The following DCC variants were observed in gnomAD, a reference collection of about 807,000 sequenced individuals.
DCC encodes DCC netrin 1 receptor.
In DCC, 58 loss-of-function variants were observed where a neutral mutation model predicts 172.5. The ratio of observed to expected loss-of-function variants is 0.34; its 90% CI spans 0.27 to 0.42. DCC has a LOEUF of 0.42. DCC is among the 10% of genes least tolerant of loss of function. The pLI is 1.00. For synonymous variants in DCC, 709 were observed against 644.5 expected (o/e 1.10, Z -1.52); for missense variants, 1,740 against 1,791.0 (o/e 0.97, Z 0.51).
chr18:52,774,717 C>T (rs1022347375), intron 2 of DCC, among the ~76,000 whole-genome samples: 3 of 151,962 alleles, frequency 2.0e-5, no homozygotes, highest in African/African-American at 4.8e-5. Flanking sequence ...TTTTCTCCAG[C>T]CCCACTCATG....
chr18:52,978,560 C>A (rs912905970), intron 5 of DCC, among the ~76,000 whole-genome samples: 2 of 152,126 alleles, frequency 1.3e-5, no homozygotes, highest in African/African-American at 4.8e-5. Context: ...ATTATCAACT[C>A]ATTTTATACA....
At chr18:52,531,593 C>T (rs981467751) in intron 1 of DCC, among the ~76,000 whole-genome samples, 3 of 151,930 alleles carry the variant, frequency 2.0e-5, no homozygotes, top group African/African-American at 7.3e-5. Flanking sequence ...ATATGTTTCT[C>T]TGTGTGTGTG....
chr18:53,090,605 A>C (rs2042988629), intron 7 of DCC, among the ~76,000 whole-genome samples: 1 of 147,900 alleles, frequency 6.8e-6, no homozygotes, highest in Non-Finnish European at 1.5e-5. Context: ...GAGGCAGGAG[A>C]ATGGCATGAA....
chr18:52,669,302 A>G (rs548664543), intron 1 of DCC, among the ~76,000 whole-genome samples: 103 of 152,340 alleles, frequency 6.8e-4, no homozygotes, highest in African/African-American at 2.1e-3. Flanking sequence ...AGGGAGGGTC[A>G]GAATCTTGTA....
intron 7 of DCC, among the ~76,000 whole-genome samples, chr18:53,138,222 C>T (rs1193340061): frequency 6.6e-6 from 1 of 152,104 alleles, no homozygotes; most frequent in Non-Finnish European, 1.5e-5. Context: ...GATGTCTCTA[C>T]ATGGTGCACC....
chr18:53,125,988 G>A (rs1244400118), intron 7 of DCC, among the ~76,000 whole-genome samples: 2 of 152,122 alleles, frequency 1.3e-5, no homozygotes, highest in African/African-American at 4.8e-5. Flanking sequence ...TATACAAGGA[G>A]AGGTTGCGTG....
intron 1 of DCC, among the ~76,000 whole-genome samples, chr18:52,562,440 A>G (rs1230975985): frequency 6.6e-6 from 1 of 152,140 alleles, no homozygotes; most frequent in East Asian, 1.9e-4. Flanking sequence ...GATGACTTGT[A>G]TCAAACCACT....
At chr18:53,286,743 G>T (rs1028046523) in intron 12 of DCC, among the ~76,000 whole-genome samples, 5 of 152,126 alleles carry the variant, frequency 3.3e-5, no homozygotes, top group Admixed American at 3.3e-4. Context: ...GGGCATCATA[G>T]CCATGATGAA....
intron 2 of DCC, among the ~76,000 whole-genome samples, chr18:52,763,323 A>G (rs185762145): frequency 8.5e-5 from 13 of 152,302 alleles, no homozygotes; most frequent in African/African-American, 3.1e-4. Flanking sequence ...ATTGGATTGG[A>G]TTTTTGTGGT....
chr18:53,352,298 C>A (rs1450813020), intron 15 of DCC, among the ~76,000 whole-genome samples: 4 of 152,030 alleles, frequency 2.6e-5, no homozygotes, highest in Non-Finnish European at 5.9e-5. Context: ...GGATTCATAG[C>A]CAACTTGGAG....
intron 27 of DCC, among the ~76,000 whole-genome samples, chr18:53,500,759 G>T (rs1269525461): frequency 2.0e-5 from 3 of 151,756 alleles, no homozygotes; most frequent in Non-Finnish European, 2.9e-5. Flanking sequence ...TTCCACTATG[G>T]AGTCTTCCTT....
chr18:53,196,579 T>A (rs1321509716), intron 9 of DCC, among the ~76,000 whole-genome samples: 1 of 152,078 alleles, frequency 6.6e-6, no homozygotes. Context: ...GTCACTGAAG[T>A]TTTTTTCTAT....
intron 18 of DCC, among the ~76,000 whole-genome samples, chr18:53,398,024 T>C (rs1035649540): frequency 6.6e-6 from 1 of 152,158 alleles, no homozygotes; most frequent in Non-Finnish European, 1.5e-5. Context: ...TAATTTTTAC[T>C]GGTCACATTT....
intron 1 of DCC, among the ~76,000 whole-genome samples, chr18:52,372,459 C>T (rs1235415455): frequency 6.6e-6 from 1 of 152,132 alleles, no homozygotes; most frequent in African/African-American, 2.4e-5. Context: ...GGTTGGGTGT[C>T]TGTGATGACC....
intron 2 of DCC, among the ~76,000 whole-genome samples, chr18:52,869,683 C>T (rs1275716668): frequency 1.3e-5 from 2 of 152,234 alleles, no homozygotes; most frequent in Non-Finnish European, 2.9e-5. Context: ...CCTTGGCTTC[C>T]TCCCATGCTC....
intron 1 of DCC, among the ~76,000 whole-genome samples, chr18:52,357,936 TAAAA>T (rs59238295): frequency 0.11 from 13,855 of 123,266 alleles, 1,058 homozygotes; most frequent in African/African-American, 0.26. Context: ...AGACTCTGTG[TAAAA>T]AAAAAAAAAA....
At chr18:52,458,723 A>G (rs947730226) in intron 1 of DCC, among the ~76,000 whole-genome samples, 1 of 152,154 alleles carries the variant, frequency 6.6e-6, no homozygotes, top group African/African-American at 2.4e-5. Context: ...AAAAGTCTAT[A>G]TTACCTCTAC....
intron 5 of DCC, among the ~76,000 whole-genome samples, chr18:53,059,278 G>A (rs2042460567): frequency 6.6e-6 from 1 of 152,068 alleles, no homozygotes; most frequent in African/African-American, 2.4e-5. Flanking sequence ...TGGAGACGTA[G>A]CCAAACTGTA....
chr18:52,689,981 A>T (rs1449125860), intron 1 of DCC, among the ~76,000 whole-genome samples: 1 of 152,168 alleles, frequency 6.6e-6, no homozygotes, highest in Non-Finnish European at 1.5e-5. Context: ...CCCTGAGTGG[A>T]AAGTGTATTA....
Sources: allele counts gnomAD v4.1 joint callset (sites outside exome capture counted in the v4.1 genomes callset), GRCh38; gene constraint gnomAD v4.1.1; transcripts MANE v1.5; gene names NCBI Gene and HGNC (gene_info 2026-07-23, HGNC 2026-07-21).